Variants in LUZP1 observed in about 807,000 individuals in gnomAD.
LUZP1 encodes the protein leucine zipper protein 1, also known as filamin mechanobinding actin cross-linking protein.
LUZP1 carries 25 observed loss-of-function variants against 71.3 expected under a neutral mutation model. The observed-to-expected ratio is 0.35, with a 90% CI of 0.26 to 0.49. The LOEUF (loss-of-function observed/expected upper bound fraction) is 0.49, where lower values mean the gene tolerates loss of function less well. LUZP1 is among the 20% of genes least tolerant of loss of function. The pLI, the probability that LUZP1 is intolerant of heterozygous loss-of-function variation, is 0.99. For missense variants in LUZP1, 1,142 were observed against 1,300.8 expected (o/e 0.88, Z 1.88); for synonymous variants, 481 against 506.4 (o/e 0.95, Z 0.67).
chr1:23,092,108 C>T (rs1557626425), exon 4 of LUZP1: 1 of 1,614,186 alleles, frequency 6.2e-7, no homozygotes, highest in Non-Finnish European at 8.5e-7. Flanking sequence ...TGACAGATTT[C>T]ACAGATTCAT....
chr1:23,118,282 A>G lies in LUZP1; in HGVS notation c.-225-9155T>C, dbSNP rs141381507. ...CATGGTGGCACACATCTGTAGTCCC[A>G]GCTACTCAGGAGGCTGAGGCAACGA... On this transcript the variant is annotated intron_variant, in intron 2 of 4. Transcript: ENST00000302291. 1.2e-3 allele frequency among the ~76,000 whole-genome samples: 181 copies of G among 151,904 alleles called. 1 individual carries two copies. The highest frequency in any genetic ancestry group is 4.1e-3 in the African/African-American group (168 of 41,392).
exon 5 of LUZP1, chr1:23,088,853 G>C: frequency 1.9e-6 from 3 of 1,600,726 alleles, no homozygotes; most frequent in Non-Finnish European, 1.7e-6. Context: ...TGGAAGAGCT[G>C]AGAAGCAGGA....
chr1:23,086,986 A>G (rs1283744216), exon 5 of LUZP1: 1 of 152,252 alleles, frequency 6.6e-6, no homozygotes, highest in Non-Finnish European at 1.5e-5. Context: ...ACTGGTTCCC[A>G]TGCTGAGTGA....
At chr1:23,132,737 A>C (rs1250189409) in intron 2 of LUZP1, among the ~76,000 whole-genome samples, 1 of 152,194 alleles carries the variant, frequency 6.6e-6, no homozygotes, top group African/African-American at 2.4e-5. Flanking sequence ...ACTTAAGTAT[A>C]ATAAGGCAAA....
intron 1 of LUZP1, among the ~76,000 whole-genome samples, chr1:23,174,015 C>T (rs575918740): frequency 6.6e-6 from 1 of 152,076 alleles, no homozygotes; most frequent in East Asian, 1.9e-4. Flanking sequence ...CTGTATTAGT[C>T]AGAGTTCCCC....
At chr1:23,149,960 C>CAAAAAAA (rs66680455) in intron 2 of LUZP1, among the ~76,000 whole-genome samples, 5 of 75,766 alleles carry the variant, frequency 6.6e-5, no homozygotes, top group African/African-American at 1.1e-4. Flanking sequence ...GACTCCGTCT[C>CAAAAAAA]AAAAAAAAAA....
rs371383659 is a variant in LUZP1, at chr1:23,171,293, C to T, written c.-484-2269G>A. Among the ~76,000 whole-genome samples, 24 of 152,224 alleles carry T rather than the reference C, an allele frequency of 1.6e-4. No homozygotes were observed. The East Asian group carries it at 2.9e-3, about 18-fold the overall frequency. The stretch of plus-strand genomic sequence containing the variant: ...TGAAAGTGGCCCTGCAAAGCATTCC[C>T]ATTGGAATGGAAACCAGCACTCCAG... On this transcript the variant is annotated intron_variant, in intron 1 of 4. Coordinates refer to ENST00000302291, the Ensembl canonical transcript of LUZP1.
intron 1 of LUZP1, among the ~76,000 whole-genome samples, chr1:23,176,219 A>G (rs940667592): frequency 3.3e-5 from 5 of 151,660 alleles, no homozygotes; most frequent in African/African-American, 9.7e-5. Context: ...GCGCCACCAC[A>G]CCCAGTTAAT....
At chr1:23,168,227 CCCT>C (rs1390723913) in intron 2 of LUZP1, among the ~76,000 whole-genome samples, 2 of 147,614 alleles carry the variant, frequency 1.4e-5, no homozygotes, top group Non-Finnish European at 3.0e-5. Context: ...TCCCAAACCG[CCCT>C]CCTCCTCCTG....
In LUZP1 at chr1:23,093,723, G is replaced by A. The variant is rs1454835098; in HGVS notation, c.539C>T (p.Ala180Val). Residue 180 changes from alanine to valine, a missense_variant, in exon 4 of 5, where the codon GCG (alanine) becomes GTG (valine). By Grantham distance (64) the Ala-to-Val change is moderately conservative. Coordinates refer to ENST00000302291, the Ensembl canonical transcript of LUZP1. The surrounding 1 kb of genome is among the most constrained non-coding windows in gnomAD (Gnocchi z 4.2). ...TGATTTCAGCTTTTCTAACTCTGACGCTAAACTCTGCTCAGTTTTATCCAG... is the reference window on the plus strand; with the variant it reads ...TGATTTCAGCTTTTCTAACTCTGACACTAAACTCTGCTCAGTTTTATCCAG... 1.1e-5 allele frequency: 18 copies of A among 1,613,304 alleles called. No individual in the cohort carries two copies. The Admixed American group carries it at 1.8e-4, about 16-fold the overall frequency.
chr1:23,091,242 T>C, exon 4 of LUZP1: 1 of 1,613,800 alleles, frequency 6.2e-7, no homozygotes, highest in Non-Finnish European at 8.5e-7. Flanking sequence ...TCCTACCCGA[T>C]TCCGACGGGT....
At position 23,093,154 on chromosome 1, in the gene LUZP1, T is replaced by G. The variant is rs756914509; in HGVS notation, c.1108A>C (p.Arg370=). The G allele has an allele frequency of 5.0e-6, 8 of 1,614,072 alleles. No homozygotes were observed. Among genetic ancestry groups the G allele is most frequent in the Non-Finnish European group, 6.8e-6 (8 of 1,180,036 alleles). The change falls in exon 4 of 5, where the codon AGA becomes CGA. Residue 370 remains arginine (R), a synonymous_variant. Transcript: ENST00000302291. The surrounding 1 kb of genome is among the most constrained non-coding windows in gnomAD (Gnocchi z 4.2). ...CCTCTAAACTTAGTCCTCTCATGTC[T>G]GCCTTTGCTGGACAGGAAAGCATCT...
rs566602228 is a variant in LUZP1 at position 23,171,968 on chromosome 1, C to T, written c.-484-2944G>A. Reference sequence around the variant, plus strand: ...GCACAGGAAAGATCGGGATTCAAAACCCAGCTCTGCCACTTACTAGTTATG... The same window carrying T: ...GCACAGGAAAGATCGGGATTCAAAATCCAGCTCTGCCACTTACTAGTTATG... On this transcript the variant is annotated intron_variant, in intron 1 of 4. Coordinates refer to ENST00000302291, the Ensembl canonical transcript of LUZP1. 3.9e-5 allele frequency among the ~76,000 whole-genome samples: 6 copies of T among 152,334 alleles called. No individual in the cohort carries two copies. The East Asian group carries it at 1.2e-3, about 29-fold the overall frequency.
chr1:23,150,052 T>C (rs1644372566), intron 2 of LUZP1, among the ~76,000 whole-genome samples: 1 of 151,884 alleles, frequency 6.6e-6, no homozygotes, highest in Non-Finnish European at 1.5e-5. Flanking sequence ...AATTTTTATT[T>C]GTTTTAGGAT....
chr1:23,173,350 C>CT (rs869169060), intron 1 of LUZP1, among the ~76,000 whole-genome samples: 1,096 of 80,344 alleles, frequency 0.014, 29 homozygotes, highest in African/African-American at 0.034. Context: ...TTTGTTTTTT[C>CT]TTTTTTTTTT....
intron 3 of LUZP1, among the ~76,000 whole-genome samples, chr1:23,096,588 C>T (rs1197031020): frequency 6.6e-6 from 1 of 152,014 alleles, no homozygotes; most frequent in African/African-American, 2.4e-5. Flanking sequence ...GTATCACAAA[C>T]AGAAAATCTT....
chr1:23,115,802 A>G (rs1569597043), intron 2 of LUZP1, among the ~76,000 whole-genome samples: 1 of 152,054 alleles, frequency 6.6e-6, no homozygotes, highest in East Asian at 2.0e-4. Context: ...TCAGCCTCCC[A>G]AAGTGCTGGG....
intron 2 of LUZP1, among the ~76,000 whole-genome samples, chr1:23,162,192 A>G (rs1179890431): frequency 6.6e-6 from 1 of 152,060 alleles, no homozygotes; most frequent in Admixed American, 6.6e-5. Context: ...AAAGAGCAAA[A>G]TAATCTATGC....
intron 2 of LUZP1, among the ~76,000 whole-genome samples, chr1:23,147,024 G>A (rs760830129): frequency 4.6e-4 from 70 of 151,414 alleles, no homozygotes; most frequent in Non-Finnish European, 5.9e-4. Flanking sequence ...GTGAGCCCGG[G>A]AGGCGGAGGT....
Sources: allele counts gnomAD v4.1 joint callset (sites outside exome capture counted in the v4.1 genomes callset), GRCh38; gene constraint gnomAD v4.1.1; non-coding constraint Gnocchi (gnomAD v3.1); transcripts MANE v1.5; gene names NCBI Gene and HGNC (gene_info 2026-07-23, HGNC 2026-07-21).